Variants in DPP10 observed in about 807,000 individuals in gnomAD.
The protein encoded by DPP10 is dipeptidyl peptidase like 10, also known as inactive dipeptidyl peptidase 10.
In DPP10, 33 loss-of-function variants were observed where a neutral mutation model predicts 120.9. The observed-to-expected ratio is 0.27, with a 90% CI of 0.21 to 0.37. The LOEUF is 0.37. Ranked by LOEUF, DPP10 falls within the 10% of genes least tolerant of loss-of-function variation. The probability of loss-of-function intolerance (pLI) is 1.00; values close to 1 mark genes in which losing one functional copy is unlikely to be tolerated. For synonymous variants in DPP10, 337 were observed against 326.1 expected (o/e 1.03, Z -0.36); for missense variants, 816 against 942.8 (o/e 0.87, Z 1.76).
chr2:114,510,945 T>C (rs1011608017), intron 1 of DPP10, among the ~76,000 whole-genome samples: 6 of 152,354 alleles, frequency 3.9e-5, no homozygotes, highest in African/African-American at 1.2e-4. Context: ...TAGTTACAGA[T>C]ACCAAAGAGC....
intron 19 of DPP10, among the ~76,000 whole-genome samples, chr2:115,796,920 A>G (rs929603484): frequency 6.6e-6 from 1 of 152,018 alleles, no homozygotes; most frequent in African/African-American, 2.4e-5. Context: ...CAAGTTTTAT[A>G]TATCTATTTT....
chr2:114,958,942 A>C (rs1428321165), intron 1 of DPP10, among the ~76,000 whole-genome samples: 3 of 152,162 alleles, frequency 2.0e-5, no homozygotes, highest in Admixed American at 6.5e-5. Context: ...ATTTCTCCCA[A>C]GCTTGTTAGA....
At chr2:115,191,927 C>T (rs975030200) in intron 1 of DPP10, among the ~76,000 whole-genome samples, 1 of 152,106 alleles carries the variant, frequency 6.6e-6, no homozygotes, top group Non-Finnish European at 1.5e-5. Flanking sequence ...TTTCAAATGT[C>T]GGGAGATCAG....
At chr2:115,756,121 G>A (rs1900281) in intron 11 of DPP10, among the ~76,000 whole-genome samples, 85,883 of 151,800 alleles carry the variant, frequency 0.57, 25,706 homozygotes, top group East Asian at 0.73. Flanking sequence ...TCTATCTGGG[G>A]GATAAAAGAA....
At chr2:115,113,435 GCT>G (rs1368390520) in intron 1 of DPP10, among the ~76,000 whole-genome samples, 1 of 151,504 alleles carries the variant, frequency 6.6e-6, no homozygotes, top group Non-Finnish European at 1.5e-5. Flanking sequence ...CACGTTTTTT[GCT>G]CTTTTTTGCC....
chr2:114,769,838 AC>A (rs1488869193), intron 1 of DPP10, among the ~76,000 whole-genome samples: 6 of 152,172 alleles, frequency 3.9e-5, no homozygotes, highest in African/African-American at 1.4e-4. Context: ...TCAAGTTTAT[AC>A]CCAAAGACAT....
intron 5 of DPP10, among the ~76,000 whole-genome samples, chr2:115,630,874 G>A (rs2149316028): frequency 1.3e-5 from 2 of 151,550 alleles, no homozygotes; most frequent in Non-Finnish European, 3.0e-5. Flanking sequence ...TATTCTTTGT[G>A]GTATCTCTGC....
At chr2:114,673,502 T>A (rs534086408) in intron 1 of DPP10, among the ~76,000 whole-genome samples, 1 of 152,162 alleles carries the variant, frequency 6.6e-6, no homozygotes, top group Non-Finnish European at 1.5e-5. Flanking sequence ...TAGGCTAGAG[T>A]GCAGTAGCAG....
intron 1 of DPP10, among the ~76,000 whole-genome samples, chr2:115,243,466 CTTTA>C (rs1005455344): frequency 6.6e-6 from 1 of 152,002 alleles, no homozygotes; most frequent in African/African-American, 2.4e-5. Context: ...AGTTATTTTT[CTTTA>C]TTTTTATTTT....
intron 7 of DPP10, among the ~76,000 whole-genome samples, chr2:115,708,969 A>G (rs2092224605): frequency 6.6e-6 from 1 of 152,104 alleles, no homozygotes; most frequent in Non-Finnish European, 1.5e-5. Flanking sequence ...CTGATATAGA[A>G]GAGCAATTGC....
chr2:114,638,253 A>G (rs1268217667), intron 1 of DPP10, among the ~76,000 whole-genome samples: 1 of 151,702 alleles, frequency 6.6e-6, no homozygotes, highest in Non-Finnish European at 1.5e-5. Flanking sequence ...TGTAAATGAG[A>G]TGTGTTCTTG....
chr2:115,006,766 A>G (rs1349012605), intron 1 of DPP10, among the ~76,000 whole-genome samples: 1 of 152,060 alleles, frequency 6.6e-6, no homozygotes, highest in African/African-American at 2.4e-5. Context: ...CACATTAATA[A>G]TTGGAGACTT....
intron 1 of DPP10, among the ~76,000 whole-genome samples, chr2:114,530,507 T>G (rs1429224174): frequency 2.6e-5 from 4 of 152,046 alleles, no homozygotes; most frequent in Non-Finnish European, 5.9e-5. Flanking sequence ...TAGCCCACAG[T>G]CAGAGGAAGG....
intron 1 of DPP10, among the ~76,000 whole-genome samples, chr2:114,795,406 G>A (rs536670971): frequency 1.2e-4 from 19 of 152,022 alleles, no homozygotes; most frequent in Admixed American, 9.2e-4. Flanking sequence ...CAGGAGAATC[G>A]CTTGAACCTG....
chr2:114,693,594 C>T (rs1699897176), intron 1 of DPP10, among the ~76,000 whole-genome samples: 1 of 151,808 alleles, frequency 6.6e-6, no homozygotes, highest in Admixed American at 6.6e-5. Context: ...TACTGGAGTT[C>T]TCTGAATTTC....
intron 1 of DPP10, among the ~76,000 whole-genome samples, chr2:114,549,593 G>A (rs547402412): frequency 2.6e-5 from 4 of 151,116 alleles, no homozygotes; most frequent in South Asian, 2.1e-4. Flanking sequence ...CCCAGGAGGC[G>A]GAGGTTGCAG....
intron 1 of DPP10, among the ~76,000 whole-genome samples, chr2:115,063,904 T>A (rs1046468667): frequency 6.6e-6 from 1 of 152,230 alleles, no homozygotes. Flanking sequence ...TAAGGTTTTA[T>A]GATTTTACTT....
intron 1 of DPP10, among the ~76,000 whole-genome samples, chr2:115,151,942 T>G (rs1254216749): frequency 6.6e-6 from 1 of 152,134 alleles, no homozygotes; most frequent in East Asian, 1.9e-4. Context: ...TAGATTAGTC[T>G]TATTCCTACT....
chr2:115,546,463 T>C lies in DPP10; in HGVS notation c.441+20491T>C, dbSNP rs114016186. Among the ~76,000 whole-genome samples, 1,399 of 152,280 alleles carry C rather than the reference T, an allele frequency of 9.2e-3. 14 individuals are homozygous for C. The highest frequency in any genetic ancestry group is 0.03 in the African/African-American group (1,265 of 41,568). On this transcript the variant is annotated intron_variant, in intron 5 of 25. Coordinates refer to ENST00000410059, the MANE Select transcript of DPP10 (RefSeq NM_020868.6). ...ACAATGGGATAGAAAATGTATTTTC[T>C]TTCTTTTCCATTCATTTAGGTTTCT...
Sources: gnomAD v4.1 joint callset for allele counts (sites outside exome capture counted in the v4.1 genomes callset) on GRCh38, gnomAD v4.1.1 for gene constraint, MANE v1.5 for transcripts, NCBI Gene and HGNC (gene_info 2026-07-23, HGNC 2026-07-21) for gene names.